Variants in TIMM23B observed in about 807,000 individuals in gnomAD.
The protein encoded by TIMM23B is mitochondrial import inner membrane translocase subunit Tim23B.
TIMM23B carries 27 observed loss-of-function variants against 27.3 expected under a neutral mutation model. The ratio of observed to expected loss-of-function variants is 0.99; its 90% CI spans 0.73 to 1.36. TIMM23B has a LOEUF of 1.36. Ranked by LOEUF, TIMM23B falls within the 40% of genes most tolerant of loss-of-function variation. The probability of loss-of-function intolerance (pLI) is 0.00; values close to 1 mark genes in which losing one functional copy is unlikely to be tolerated. For synonymous variants in TIMM23B, 73 were observed against 92.4 expected, an observed-to-expected ratio of 0.79 and a Z score of 1.21; for missense variants, 205 against 244.2, an observed-to-expected ratio of 0.84 and a Z score of 1.07.
At chr10:49,956,210 TA>T (rs1208651204) in intron 5 of TIMM23B, among the ~76,000 whole-genome samples, 1 of 151,996 alleles carries the variant, frequency 6.6e-6, no homozygotes. Flanking sequence ...AGAGGAGTTG[TA>T]AGGCTGAGCG....
intron 6 of TIMM23B, among the ~76,000 whole-genome samples, chr10:49,960,479 A>G (rs1457594314): frequency 6.6e-6 from 1 of 152,086 alleles, no homozygotes; most frequent in Non-Finnish European, 1.5e-5. Context: ...TCTGCTAAGA[A>G]TTGTACAAAA....
intron 2 of TIMM23B, among the ~76,000 whole-genome samples, chr10:49,949,249 G>C (rs1839447420): frequency 7.0e-6 from 1 of 141,966 alleles, no homozygotes; most frequent in African/African-American, 2.6e-5. Context: ...TTTTATTTCA[G>C]AGTTGAATCA....
intron 4 of TIMM23B, among the ~76,000 whole-genome samples, chr10:49,953,791 G>A (rs1839618704): frequency 6.6e-6 from 1 of 152,114 alleles, no homozygotes; most frequent in Admixed American, 6.6e-5. Context: ...ATATATAAAA[G>A]TAGACAAAAT....
At chr10:49,970,957 A>G (rs1316607055) in intron 6 of TIMM23B, among the ~76,000 whole-genome samples, 1 of 152,232 alleles carries the variant, frequency 6.6e-6, no homozygotes, top group Non-Finnish European at 1.5e-5. Context: ...AAGTAGACAT[A>G]GGAGACTCCA....
At chr10:49,944,030 A>G (rs1316153532) in intron 1 of TIMM23B, among the ~76,000 whole-genome samples, 1 of 152,160 alleles carries the variant, frequency 6.6e-6, no homozygotes, top group Non-Finnish European at 1.5e-5. Flanking sequence ...AACAAAACAA[A>G]TTTGGCATGT....
At chr10:49,944,027 C>T in intron 1 of TIMM23B, among the ~76,000 whole-genome samples, 1 of 152,116 alleles carries the variant, frequency 6.6e-6, no homozygotes, top group Non-Finnish European at 1.5e-5. Flanking sequence ...TGAAACAAAA[C>T]AAATTTGGCA....
At chr10:49,946,776 C>A (rs1421489238) in intron 2 of TIMM23B, among the ~76,000 whole-genome samples, 3 of 149,236 alleles carry the variant, frequency 2.0e-5, no homozygotes, top group Non-Finnish European at 4.4e-5. Flanking sequence ...CTGTCAAAAT[C>A]CCAGCTGGCT....
chr10:49,943,096 A>G (rs1257513219), intron 1 of TIMM23B: 1 of 152,230 alleles, frequency 6.6e-6, no homozygotes, highest in East Asian at 1.9e-4. Context: ...CTAAGGAACA[A>G]CAACAACGAA....
Position 49,954,900 on chromosome 10 carries a change from G to A in TIMM23B, c.345-102G>A. 7 of 1,275,666 alleles carry A rather than the reference G, an allele frequency of 5.5e-6. 1 individual carries two copies. The highest frequency in any genetic ancestry group is 7.8e-6 in the Non-Finnish European group (7 of 900,590). 79.0% of individuals were successfully genotyped at this position (1,275,666 alleles called of 1,614,324 possible). A position where few individuals can be genotyped will look rare whatever the true frequency, so the allele number is the denominator to read the frequency against. On this transcript the variant is annotated intron_variant, in intron 4 of 6. Transcript: ENST00000651259. ...TGTATTTTAGAATTTAAAAAACTTT[G>A]CGCCCTGGGTCTAGACATGTTAAAT...
intron 6 of TIMM23B, among the ~76,000 whole-genome samples, chr10:49,971,265 A>T (rs1263454758): frequency 1.3e-5 from 2 of 150,302 alleles, no homozygotes; most frequent in Non-Finnish European, 3.0e-5. Context: ...CCTTCCCTCC[A>T]CTATTGTCCT....
intron 6 of TIMM23B, among the ~76,000 whole-genome samples, chr10:49,965,525 A>G (rs1444512042): frequency 6.6e-6 from 1 of 151,186 alleles, no homozygotes; most frequent in Non-Finnish European, 1.5e-5. Flanking sequence ...ATGAAATGAA[A>G]CAAATGAAAT....
intron 2 of TIMM23B, among the ~76,000 whole-genome samples, chr10:49,945,929 C>G (rs1478268821): frequency 1.3e-5 from 2 of 152,106 alleles, no homozygotes; most frequent in Non-Finnish European, 2.9e-5. Flanking sequence ...GTGATTCACA[C>G]CTGTAATCCC....
chr10:49,958,415 G>T lies in TIMM23B; in HGVS notation c.449G>T (p.Gly150Val), dbSNP rs1323088332. 37 of 1,613,880 alleles carry T rather than the reference G, an allele frequency of 2.3e-5. No individual in the cohort carries two copies. The African/African-American group carries it at 4.7e-4, about 20-fold the overall frequency. The change falls in exon 6 of 7, where the codon GGT becomes GTT. Residue 150 changes from glycine to valine, a missense_variant. Gly to Val is a moderately radical substitution (Grantham distance 109, BLOSUM62 -3). Coordinates refer to ENST00000651259, the MANE Select transcript of TIMM23B (RefSeq NM_001290117.2). Reference sequence around the variant, plus strand: ...GGTGTCATCATTGAGAAAACACGAGGTGCAGAAGATGACCTTAACACAGTA... The same window carrying T: ...GGTGTCATCATTGAGAAAACACGAGTTGCAGAAGATGACCTTAACACAGTA... Reference protein sequence around the residue: ...AFGVIIEKTRGAEDDLNTVAA... With the variant: ...AFGVIIEKTRVAEDDLNTVAA...
chr10:49,954,577 C>T (rs1264152899), intron 4 of TIMM23B, among the ~76,000 whole-genome samples: 23 of 152,014 alleles, frequency 1.5e-4, no homozygotes, highest in Non-Finnish European at 2.8e-4. Flanking sequence ...CCAAAAAGAA[C>T]CTTTTAGAAG....
intron 5 of TIMM23B, among the ~76,000 whole-genome samples, chr10:49,956,425 A>G (rs1292026426): frequency 1.0e-5 from 1 of 100,326 alleles, no homozygotes; most frequent in Non-Finnish European, 1.9e-5. Flanking sequence ...TACTAGAAAT[A>G]CGTGTGTGTG....
intron 1 of TIMM23B, 125 bp downstream of exon 1, chr10:49,942,425 A>G: frequency 6.6e-7 from 1 of 1,517,124 alleles, no homozygotes; most frequent in Middle Eastern, 1.8e-4. Context: ...CTTAAGTACC[A>G]GTGGTGGGGT....
intron 5 of TIMM23B, 147 bp downstream of exon 5, chr10:49,955,207 C>T: frequency 1.2e-6 from 1 of 846,016 alleles, no homozygotes; most frequent in Non-Finnish European, 1.9e-6. Flanking sequence ...GTAGATACTA[C>T]TTAGGGAAAG....
chr10:49,953,430 T>C (rs1412902450), intron 4 of TIMM23B, among the ~76,000 whole-genome samples: 1 of 152,190 alleles, frequency 6.6e-6, no homozygotes, highest in African/African-American at 2.4e-5. Context: ...ACTGTAGCCT[T>C]GACCTCCTGG....
intron 6 of TIMM23B, among the ~76,000 whole-genome samples, chr10:49,969,693 A>T (rs1232271672): frequency 2.6e-5 from 4 of 152,054 alleles, no homozygotes; most frequent in African/African-American, 9.7e-5. Flanking sequence ...CAAAAAAAGA[A>T]AAATGTGGTA....
Sources: gnomAD v4.1 joint callset for allele counts (sites outside exome capture counted in the v4.1 genomes callset) on GRCh38, gnomAD v4.1.1 for gene constraint, MANE v1.5 for transcripts, NCBI Gene and HGNC (gene_info 2026-07-23, HGNC 2026-07-21) for gene names.